DIPK1C: variants seen among roughly 807,000 people sequenced by gnomAD.
The protein encoded by DIPK1C is divergent protein kinase domain 1C.
A neutral mutation model predicts 28.0 loss-of-function variants in DIPK1C; 33 were observed. The observed-to-expected ratio is 1.18, with a 90% confidence interval of 0.89 to 1.58. The LOEUF (loss-of-function observed/expected upper bound fraction) is 1.58, where lower values mean the gene tolerates loss of function less well. DIPK1C is among the 40% of genes most tolerant of loss of function. The pLI, the probability that DIPK1C is intolerant of heterozygous loss-of-function variation, is 0.00. For synonymous variants in DIPK1C, 255 were observed against 248.8 expected, an observed-to-expected ratio of 1.02 and a Z score of -0.23; for missense variants, 569 against 568.5, an observed-to-expected ratio of 1.00 and a Z score of -0.01.
chr18:74,448,180 C>T (rs1301094607), intron 1 of DIPK1C, among the ~76,000 whole-genome samples: 6 of 152,182 alleles, frequency 3.9e-5, no homozygotes, highest in East Asian at 1.9e-4. Flanking sequence ...AGAAGACTGT[C>T]ATCCTCTTCT....
At chr18:74,452,640 T>TG (rs1173632934) in intron 1 of DIPK1C, among the ~76,000 whole-genome samples, 1 of 151,962 alleles carries the variant, frequency 6.6e-6, no homozygotes, top group Non-Finnish European at 1.5e-5. Context: ...CCCAGCTACT[T>TG]GGGAGACTGA....
In DIPK1C at chr18:74,457,050, G is replaced by C. The variant is rs1986530312; in HGVS notation, c.198+12C>G. 1 of 1,442,802 alleles carries C rather than the reference G, an allele frequency of 6.9e-7. No individual in the cohort carries two copies. The allele number at this position is 1,442,802 out of a possible 1,614,324, so 89.4% of individuals were successfully genotyped here. ...GACGCGCGGCGCGGGGCAGAGCGGC[G>C]GCGGGACCTACCAGCGCGGCCAGGA... On this transcript the variant is annotated intron_variant, in intron 1 of 3. Coordinates refer to ENST00000343998, the MANE Select transcript of DIPK1C (RefSeq NM_001044369.3).
chr18:74,438,531 A>T (rs931143679), intron 3 of DIPK1C, among the ~76,000 whole-genome samples: 4 of 152,214 alleles, frequency 2.6e-5, no homozygotes, highest in African/African-American at 9.6e-5. Context: ...TAGCCTCTCC[A>T]ACGCAAACGC....
chr18:74,436,323 G>T lies in DIPK1C; in HGVS notation c.*178C>A. 1 of 635,282 alleles carries T rather than the reference G, an allele frequency of 1.6e-6. No individual in the cohort carries two copies. The highest frequency in any genetic ancestry group is 2.7e-6 in the Non-Finnish European group (1 of 372,662). 39.4% of individuals were successfully genotyped at this position (635,282 alleles called of 1,614,324 possible). The stretch of plus-strand genomic sequence containing the variant: ...CACAAGGCGACAGGTCAGAGGCCAG[G>T]GTGGGACGAGAGCGAGGGAGCACTG... On this transcript the variant is annotated 3_prime_UTR_variant, in exon 4 of 4. Coordinates refer to ENST00000343998, the MANE Select transcript of DIPK1C (RefSeq NM_001044369.3).
At chr18:74,460,337 G>A (rs1301528758), upstream of DIPK1C, among the ~76,000 whole-genome samples, 2 of 152,200 alleles carry the variant, frequency 1.3e-5, no homozygotes, top group Admixed American at 6.5e-5. Flanking sequence ...ATTATGTTCC[G>A]TGTGATTCCA....
chr18:74,446,533 C>G, intron 2 of DIPK1C, 73 bp downstream of exon 2: 2 of 1,331,800 alleles, frequency 1.5e-6, no homozygotes, highest in Non-Finnish European at 1.9e-6. Flanking sequence ...GCTCAGAAAC[C>G]TTCTCATTTC....
upstream of DIPK1C, among the ~76,000 whole-genome samples, chr18:74,459,172 G>A (rs1247799585): frequency 1.3e-5 from 2 of 152,248 alleles, no homozygotes; most frequent in South Asian, 2.1e-4. Context: ...TATTTGGTGT[G>A]GGGAGGGGAG....
upstream of DIPK1C, chr18:74,457,996 G>A (rs540117580): frequency 6.6e-6 from 1 of 152,424 alleles, no homozygotes; most frequent in South Asian, 2.1e-4. Context: ...TTACCCCGGG[G>A]AGGAGAACAC....
At chr18:74,459,122 C>T (rs1986579970), upstream of DIPK1C, among the ~76,000 whole-genome samples, 4 of 152,210 alleles carry the variant, frequency 2.6e-5, no homozygotes, top group Admixed American at 2.0e-4. Context: ...AAAAAGAAAT[C>T]TCAACCTGAT....
In DIPK1C at chr18:74,456,951, C is replaced by T. The variant is rs1025915764; in HGVS notation, c.198+111G>A. The T allele has an allele frequency of 9.6e-6, 11 of 1,150,458 alleles. No homozygotes were observed. In the African/African-American group the frequency reaches 9.9e-5, roughly 10 times the overall value. 71.3% of individuals were successfully genotyped at this position (1,150,458 alleles called of 1,614,324 possible). ...CACGCAGGTGTCGGGAACCCATGTC[C>T]CCGGCGGGTGCCACCGCCACCCAAG... On this transcript the variant is annotated intron_variant, in intron 1 of 3. Transcript: ENST00000343998.
chr18:74,447,063 T>G lies in DIPK1C; in HGVS notation c.419A>C (p.Gln140Pro). ...GAGGAGTTCGGCCTCGGGCATGTCC[T>G]GGCCACCCTCCCCTGCCTCCTCTTC... is the stretch of plus-strand genomic sequence containing the variant. ...LLEEEAGEGG[Q>P]DMPEAELLLM... Residue 140 changes from glutamine to proline, a missense_variant, in exon 2 of 4, where the codon CAG (glutamine) becomes CCG (proline). Gln to Pro is a moderately conservative substitution (Grantham distance 76, BLOSUM62 -1). Transcript: ENST00000343998. This position sits in a 1 kb window ranked among gnomAD's most constrained non-coding sequence, Gnocchi z 4.1. 1 of 1,550,288 alleles carries G rather than the reference T, an allele frequency of 6.5e-7. No homozygotes were observed. The highest frequency in any genetic ancestry group is 8.7e-7 in the Non-Finnish European group (1 of 1,146,866).
In DIPK1C at chr18:74,447,222, C is replaced by A; in HGVS notation, c.260G>T (p.Gly87Val). Reference protein sequence around the residue: ...GDLCEDLCVAGELLFQRCLHY... With the variant: ...GDLCEDLCVAVELLFQRCLHY... ...CAGGCAGCGTTGGAACAGCAGCTCTCCCGCCACACACAGGTCCTCGCAGAG... is the reference window on the plus strand; with the variant it reads ...CAGGCAGCGTTGGAACAGCAGCTCTACCGCCACACACAGGTCCTCGCAGAG... The change falls in exon 2 of 4, where the codon GGA becomes GTA. Residue 87 changes from glycine to valine, a missense_variant. Coordinates refer to ENST00000343998, the MANE Select transcript of DIPK1C (RefSeq NM_001044369.3). The surrounding 1 kb of genome is among the most constrained non-coding windows in gnomAD (Gnocchi z 4.1). 6.5e-7 allele frequency: 1 copy of A among 1,549,866 alleles called. No homozygotes were observed. The highest frequency in any genetic ancestry group is 8.7e-7 in the Non-Finnish European group (1 of 1,146,760).
chr18:74,442,926 G>T (rs62097411), intron 2 of DIPK1C, among the ~76,000 whole-genome samples: 4 of 152,202 alleles, frequency 2.6e-5, no homozygotes, highest in Admixed American at 1.3e-4. Context: ...AGCCACATTC[G>T]AGTGGCTGGT....
chr18:74,460,085 G>A (rs549659905), upstream of DIPK1C, among the ~76,000 whole-genome samples: 1 of 152,274 alleles, frequency 6.6e-6, no homozygotes, highest in East Asian at 1.9e-4. Context: ...AGGATGTGGT[G>A]GCCAAGAGTC....
rs540465275 is a variant in DIPK1C, at chr18:74,446,973, G to A, written c.509C>T (p.Pro170Leu). ...GLELSNSSLG[P>L]WWPGRRGPRW... The stretch of plus-strand genomic sequence containing the variant: ...TGGGCCCCGCCTGCCCGGCCACCAC[G>A]GCCCCAGGCTGCTGTTGGACAACTC... Residue 170 changes from proline (P) to leucine (L), a missense_variant, in exon 2 of 4, where the codon CCG (proline) becomes CTG (leucine). Coordinates refer to ENST00000343998, the MANE Select transcript of DIPK1C (RefSeq NM_001044369.3). 44 of 1,512,912 alleles carry A rather than the reference G, an allele frequency of 2.9e-5. No homozygotes were observed. Among genetic ancestry groups the A allele is most frequent in the African/African-American group, 2.2e-4 (16 of 72,288 alleles). 93.7% of individuals were successfully genotyped at this position (1,512,912 alleles called of 1,614,324 possible).
In DIPK1C at chr18:74,446,677, T is replaced by G. The variant is rs1986269098; in HGVS notation, c.805A>C (p.Ser269Arg). The change falls in exon 2 of 4, where the codon AGT becomes CGT. Residue 269 changes from serine (S) to arginine (R), a missense_variant. Coordinates refer to ENST00000343998, the MANE Select transcript of DIPK1C (RefSeq NM_001044369.3). ...AGGTGGAGGCGGTGGGAAAAGTCAC[T>G]GTCAAAATGGTTCACCATGTCCAAG... ...SFLDMVNHFD[S>R]DFSHRLHLCD... is the part of the protein sequence containing the mutation. 3 of 1,522,980 alleles carry G rather than the reference T, an allele frequency of 2.0e-6. No individual in the cohort carries two copies. The highest frequency in any genetic ancestry group is 1.8e-6 in the Non-Finnish European group (2 of 1,133,560). 94.3% of individuals were successfully genotyped at this position (1,522,980 alleles called of 1,614,324 possible). A position where few individuals can be genotyped will look rare whatever the true frequency, so the allele number is the denominator to read the frequency against.
chr18:74,444,158 G>A (rs1986208064), intron 2 of DIPK1C, among the ~76,000 whole-genome samples: 1 of 152,012 alleles, frequency 6.6e-6, no homozygotes, highest in Non-Finnish European at 1.5e-5. Flanking sequence ...CTTCCTCCTG[G>A]CATCAGAGGA....
chr18:74,450,243 T>TA (rs888285721), intron 1 of DIPK1C, among the ~76,000 whole-genome samples: 6 of 151,938 alleles, frequency 3.9e-5, no homozygotes, highest in Non-Finnish European at 7.4e-5. Context: ...CCTTTTAAAT[T>TA]AAAAAAAAGC....
intron 2 of DIPK1C, among the ~76,000 whole-genome samples, chr18:74,446,178 G>A (rs1015943882): frequency 3.9e-5 from 6 of 152,192 alleles, no homozygotes; most frequent in Non-Finnish European, 8.8e-5. Context: ...ACAGAGCATG[G>A]GCAGCTTGAG....
Sources: gnomAD v4.1 joint callset for allele counts (sites outside exome capture counted in the v4.1 genomes callset) on GRCh38, gnomAD v4.1.1 for gene constraint, Gnocchi (gnomAD v3.1) non-coding constraint, MANE v1.5 for transcripts, NCBI Gene and HGNC (gene_info 2026-07-23, HGNC 2026-07-21) for gene names.